Variants in NSUN6 observed in about 807,000 individuals in gnomAD.
NSUN6 encodes NOP2/Sun RNA methyltransferase 6.
A neutral mutation model predicts 58.0 loss-of-function variants in NSUN6; 64 were observed. The ratio of observed to expected loss-of-function variants is 1.10; its 90% CI spans 0.90 to 1.36. The LOEUF is 1.36. Ranked by LOEUF, NSUN6 falls within the 40% of genes most tolerant of loss-of-function variation. NSUN6 has a pLI of 0.00. For synonymous variants in NSUN6, 231 were observed against 193.9 expected (o/e 1.19, Z -1.59); for missense variants, 701 against 550.1 (o/e 1.27, Z -2.74).
chr10:18,565,309 A>T (rs1306881721), intron 8 of NSUN6, among the ~76,000 whole-genome samples: 2 of 147,068 alleles, frequency 1.4e-5, no homozygotes, highest in Non-Finnish European at 3.0e-5. Context: ...TGCATTCTCG[A>T]TTCCATTCCA....
At chr10:18,585,853 C>T (rs2057110153) in intron 8 of NSUN6, 96 bp downstream of exon 8, 12 of 882,136 alleles carry the variant, frequency 1.4e-5, no homozygotes, top group Non-Finnish European at 2.1e-5. Flanking sequence ...AATCATTCCA[C>T]ATTGTATACA....
chr10:18,574,644 C>T (rs1232799165), intron 8 of NSUN6, among the ~76,000 whole-genome samples: 2 of 152,100 alleles, frequency 1.3e-5, no homozygotes, highest in Non-Finnish European at 2.9e-5. Context: ...TCTGCTCAAA[C>T]GTGTGAGCTG....
chr10:18,601,041 T>C (rs1048798840), intron 6 of NSUN6, among the ~76,000 whole-genome samples: 12 of 145,978 alleles, frequency 8.2e-5, no homozygotes, highest in Admixed American at 2.8e-4. Flanking sequence ...GATTTCAAGG[T>C]GTAACTACTT....
In NSUN6 at chr10:18,616,177, T is replaced by C. The variant is rs941206900; in HGVS notation, c.421+7A>G. On this transcript the variant is annotated splice_region_variant and intron_variant, in intron 4 of 10. Coordinates refer to ENST00000377304, the MANE Select transcript of NSUN6 (RefSeq NM_182543.5). ...ACCTTAAAGACAAATCTAAACATTA[T>C]ACTTACATTGTGATGCTGACACAAT... 17 of 1,411,534 alleles carry C rather than the reference T, an allele frequency of 1.2e-5. No homozygotes were observed. The highest frequency in any genetic ancestry group is 1.5e-5 in the Non-Finnish European group (15 of 998,396). The allele number at this position is 1,411,534 out of a possible 1,614,324, so 87.4% of individuals were successfully genotyped here. A position where few individuals can be genotyped will look rare whatever the true frequency, so the allele number is the denominator to read the frequency against.
intron 3 of NSUN6, among the ~76,000 whole-genome samples, chr10:18,635,526 T>C (rs1331226442): frequency 1.3e-5 from 2 of 152,028 alleles, no homozygotes; most frequent in East Asian, 3.9e-4. Flanking sequence ...AAAGCTACAC[T>C]GTGTCTCATC....
At chr10:18,585,813 C>G in intron 8 of NSUN6, 136 bp downstream of exon 8, 2 of 592,426 alleles carry the variant, frequency 3.4e-6, no homozygotes, top group Non-Finnish European at 2.8e-6. Flanking sequence ...AGGATAAGTA[C>G]AGTGATGGAT....
At chr10:18,550,837 G>A (rs1216475047) in intron 9 of NSUN6, among the ~76,000 whole-genome samples, 3 of 150,650 alleles carry the variant, frequency 2.0e-5, no homozygotes, top group Non-Finnish European at 4.4e-5. Flanking sequence ...CAATTCTCCT[G>A]CCTCAACCTC....
chr10:18,546,073 A>T lies in NSUN6; in HGVS notation c.1270T>A (p.Phe424Ile). Residue 424 changes from phenylalanine to isoleucine, a missense_variant, in exon 11 of 11, where the codon TTT becomes ATT. Transcript: ENST00000377304. ...SCEQLKQLQR[F>I]DPSAVPLPDT... ...GGTAATGGCACAGCCGATGGATCAA[A>T]TCGCTGCAGCTGTTTCAACTGTTCA... is the stretch of plus-strand genomic sequence containing the variant. 1 of 1,609,314 alleles carries T rather than the reference A, an allele frequency of 6.2e-7. No individual in the cohort carries two copies. Among genetic ancestry groups the T allele is most frequent in the Non-Finnish European group, 8.5e-7 (1 of 1,178,060 alleles).
At position 18,651,487 on chromosome 10, in the gene NSUN6, C is replaced by G. The variant is rs767612386; in HGVS notation, c.-284G>C. ...CCAATGCCACTCACGTTGCAAAGAA[C>G]CAAAAAAAGAAAAAAATGCTTAGTA... On this transcript the variant is annotated 5_prime_UTR_variant, in exon 1 of 11. Transcript: ENST00000377304. 5.8e-5 allele frequency: 64 copies of G among 1,110,962 alleles called. No individual in the cohort carries two copies. Among genetic ancestry groups the G allele is most frequent in the Non-Finnish European group, 5.9e-5 (54 of 912,230 alleles). The allele number at this position is 1,110,962 out of a possible 1,614,324, so 68.8% of individuals were successfully genotyped here.
At chr10:18,624,668 C>T (rs1311405964) in intron 3 of NSUN6, among the ~76,000 whole-genome samples, 2 of 81,208 alleles carry the variant, frequency 2.5e-5, no homozygotes, top group South Asian at 3.9e-4. Context: ...AAAAAAAGAA[C>T]GAATGCGGAA....
At chr10:18,556,459 AAATGGAGAATGGAATGGAATGG>A (rs1160012234) in intron 8 of NSUN6, among the ~76,000 whole-genome samples, 1 of 145,010 alleles carries the variant, frequency 6.9e-6, no homozygotes, top group Non-Finnish European at 1.5e-5. Context: ...GAATGGGATG[AAATGGAGAATGGAATGGAATGG>A]AATGGAGAAT....
chr10:18,612,046 C>T (rs939148526), intron 5 of NSUN6, among the ~76,000 whole-genome samples: 1 of 152,062 alleles, frequency 6.6e-6, no homozygotes, highest in African/African-American at 2.4e-5. Flanking sequence ...CCACTGTATC[C>T]ACTTCCAAGG....
intron 7 of NSUN6, among the ~76,000 whole-genome samples, chr10:18,590,170 A>G (rs2057324854): frequency 6.6e-6 from 1 of 152,230 alleles, no homozygotes; most frequent in African/African-American, 2.4e-5. Flanking sequence ...GAAGGGCATT[A>G]CATAATGACA....
chr10:18,571,117 C>G (rs1319735230), intron 8 of NSUN6, among the ~76,000 whole-genome samples: 1 of 147,924 alleles, frequency 6.8e-6, no homozygotes, highest in Non-Finnish European at 1.5e-5. Flanking sequence ...TTCCATTCCA[C>G]TTTTCATTCC....
At chr10:18,547,650 T>G (rs2054360172) in intron 10 of NSUN6, among the ~76,000 whole-genome samples, 1 of 152,178 alleles carries the variant, frequency 6.6e-6, no homozygotes, top group Admixed American at 6.5e-5. Context: ...ATTATACATT[T>G]TATATAATAA....
At chr10:18,585,422 GA>G (rs1251174382) in intron 8 of NSUN6, among the ~76,000 whole-genome samples, 1 of 152,052 alleles carries the variant, frequency 6.6e-6, no homozygotes, top group Non-Finnish European at 1.5e-5. Context: ...AGAAACGAAT[GA>G]ATAAAGAAAA....
intron 6 of NSUN6, among the ~76,000 whole-genome samples, chr10:18,597,163 A>G (rs1355290771): frequency 6.6e-6 from 1 of 152,254 alleles, no homozygotes; most frequent in Non-Finnish European, 1.5e-5. Flanking sequence ...CATCTATAGC[A>G]GTAAGTCATA....
intron 8 of NSUN6, among the ~76,000 whole-genome samples, chr10:18,553,090 T>A (rs921236394): frequency 1.9e-4 from 29 of 151,422 alleles, no homozygotes; most frequent in African/African-American, 6.8e-4. Context: ...CCATCTTCAG[T>A]TCGATTCCAT....
At chr10:18,565,281 A>ACT (rs2055842549) in intron 8 of NSUN6, among the ~76,000 whole-genome samples, 1 of 137,196 alleles carries the variant, frequency 7.3e-6, no homozygotes, top group Non-Finnish European at 1.7e-5. Flanking sequence ...GTAATCAATT[A>ACT]CATTTTCCAT....
Sources: gnomAD v4.1 joint callset for allele counts (sites outside exome capture counted in the v4.1 genomes callset) on GRCh38, gnomAD v4.1.1 for gene constraint, MANE v1.5 for transcripts, NCBI Gene and HGNC (gene_info 2026-07-23, HGNC 2026-07-21) for gene names.